Variants in KCTD7 observed in about 807,000 individuals in gnomAD.
The protein encoded by KCTD7 is BTB/POZ domain-containing protein KCTD7.
KCTD7 carries 15 observed loss-of-function variants against 27.0 expected under a neutral mutation model. The observed-to-expected ratio is 0.56, with a 90% CI of 0.37 to 0.86. The LOEUF is 0.86. Ranked by LOEUF, KCTD7 falls within the 40% of genes least tolerant of loss-of-function variation. The pLI, the probability that KCTD7 is intolerant of heterozygous loss-of-function variation, is 0.00. For missense variants in KCTD7, 299 were observed against 398.9 expected, an observed-to-expected ratio of 0.75 and a Z score of 2.13; for synonymous variants, 159 against 162.7, an observed-to-expected ratio of 0.98 and a Z score of 0.17.
At chr7:66,631,344 A>G (rs1255086133) in intron 1 of KCTD7, among the ~76,000 whole-genome samples, 1 of 152,142 alleles carries the variant, frequency 6.6e-6, no homozygotes, top group Non-Finnish European at 1.5e-5. Flanking sequence ...CAAGGCAGGA[A>G]GATCACTTGA....
downstream of KCTD7, chr7:66,643,160 C>T (rs1786758165): frequency 3.2e-6 from 3 of 943,264 alleles, no homozygotes; most frequent in Non-Finnish European, 3.7e-6. Context: ...TTTGGGGATG[C>T]CCCACACAAC....
intron 1 of KCTD7, among the ~76,000 whole-genome samples, chr7:66,632,466 GAC>G: frequency 7.0e-6 from 1 of 143,520 alleles, no homozygotes; most frequent in Non-Finnish European, 1.5e-5. Flanking sequence ...CAGCCTGGGT[GAC>G]ACAGGCTGGG....
chr7:66,642,107 C>T lies in KCTD7; in HGVS notation c.*2875C>T, dbSNP rs1392706769. ...GAGATGGGACCAATGGTGCAATGCT[C>T]GCCATAACAAAATTCCTTAAAAATA... is the stretch of plus-strand genomic sequence containing the variant. On this transcript the variant is annotated 3_prime_UTR_variant, in exon 4 of 4. Coordinates refer to ENST00000639828, the MANE Select transcript of KCTD7 (RefSeq NM_153033.5). 1 of 985,252 alleles carries T rather than the reference C, an allele frequency of 1.0e-6. No homozygotes were observed. The highest frequency in any genetic ancestry group is 1.2e-6 in the Non-Finnish European group (1 of 829,926). The allele number at this position is 985,252 out of a possible 1,614,324, so 61.0% of individuals were successfully genotyped here.
chr7:66,631,905 G>T (rs1786451634), intron 1 of KCTD7, among the ~76,000 whole-genome samples: 1 of 152,184 alleles, frequency 6.6e-6, no homozygotes, highest in South Asian at 2.1e-4. Context: ...GCTGTGGGCA[G>T]CCCATGATTG....
Position 66,641,642 on chromosome 7 carries a change from AG to A in KCTD7, c.*2412del, listed in dbSNP as rs1260387711. ...GTATTCTGTGCCACTGTAGGACACA[AG>A]GCTCTGGGCCAGTAGAACAGGCAGA... On this transcript the variant is annotated 3_prime_UTR_variant, in exon 4 of 4. Transcript: ENST00000639828. 1.7e-5 allele frequency: 17 copies of A among 985,294 alleles called. No individual in the cohort carries two copies. Among genetic ancestry groups the A allele is most frequent in the Non-Finnish European group, 2.0e-5 (17 of 829,930 alleles). The allele number at this position is 985,294 out of a possible 1,614,324, so 61.0% of individuals were successfully genotyped here. A position where few individuals can be genotyped will look rare whatever the true frequency, so the allele number is the denominator to read the frequency against.
At chr7:66,636,705 A>G (rs1186555657) in intron 2 of KCTD7, among the ~76,000 whole-genome samples, 1 of 152,216 alleles carries the variant, frequency 6.6e-6, no homozygotes, top group Non-Finnish European at 1.5e-5. Flanking sequence ...CCCAGGAGTT[A>G]GAGGCTGCAG....
Position 66,632,633 on chromosome 7 carries a change from C to T in KCTD7, c.145-642C>T, listed in dbSNP as rs562288426. 3.9e-5 allele frequency among the ~76,000 whole-genome samples: 6 copies of T among 152,070 alleles called. No homozygotes were observed. The East Asian group carries it at 9.7e-4, about 25-fold the overall frequency. ...AGGAGACTGGTAAGAGCATTTTGGGCAAAGAAGACAATGTGAGCAAGAGCA... is the reference window on the plus strand; with the variant it reads ...AGGAGACTGGTAAGAGCATTTTGGGTAAAGAAGACAATGTGAGCAAGAGCA... On this transcript the variant is annotated intron_variant, in intron 1 of 3. Transcript: ENST00000639828.
At position 66,633,323 on chromosome 7, in the gene KCTD7, C is replaced by T. The variant is rs200321023; in HGVS notation, c.193C>T (p.Arg65Cys). 1.8e-4 allele frequency: 290 copies of T among 1,613,824 alleles called. No homozygotes were observed. The highest frequency in any genetic ancestry group is 2.2e-4 in the Non-Finnish European group (256 of 1,179,884). ...LNIGGAHFTT[R>C]LSTLRCYEDT... Reference sequence around the variant, plus strand: ...CATCGGAGGGGCTCACTTCACTACACGCCTGTCCACACTGCGGTGCTACGA... The same window carrying T: ...CATCGGAGGGGCTCACTTCACTACATGCCTGTCCACACTGCGGTGCTACGA... Residue 65 changes from arginine (R) to cysteine (C), a missense_variant, in exon 2 of 4, where the codon CGC becomes TGC. Transcript: ENST00000639828.
chr7:66,633,423 A>G lies in KCTD7; in HGVS notation c.293A>G (p.Asp98Gly). The G allele has an allele frequency of 6.2e-7, 1 of 1,614,096 alleles. No individual in the cohort carries two copies. Among genetic ancestry groups the G allele is most frequent in the Non-Finnish European group, 8.5e-7 (1 of 1,180,020 alleles). ...PTDSEGRYFI[D>G]RDGTHFGDVL... ...GACTCCGAGGGCCGGTACTTCATCG[A>G]CCGAGATGGCACACACTTTGGGTAT... is the stretch of plus-strand genomic sequence containing the variant. Residue 98 changes from aspartate to glycine, a missense_variant, in exon 2 of 4, where the codon GAC becomes GGC. Transcript: ENST00000639828.
intron 2 of KCTD7, 59 bp downstream of exon 2, chr7:66,633,503 G>C (rs1250358797): frequency 6.7e-7 from 1 of 1,500,072 alleles, no homozygotes; most frequent in Non-Finnish European, 9.3e-7. Context: ...GCGTAGGCTT[G>C]AGTATGGGAC....
At chr7:66,635,077 A>C (rs1786556461) in intron 2 of KCTD7, among the ~76,000 whole-genome samples, 2 of 150,768 alleles carry the variant, frequency 1.3e-5, no homozygotes, top group South Asian at 4.2e-4. Flanking sequence ...CAGTGATGCA[A>C]GCACAGCTCA....
intron 1 of KCTD7, among the ~76,000 whole-genome samples, chr7:66,629,532 C>A (rs549371655): frequency 6.6e-6 from 1 of 151,994 alleles, no homozygotes; most frequent in Non-Finnish European, 1.5e-5. Flanking sequence ...GGGAGGGGGA[C>A]CCTGGAGCCC....
chr7:66,629,346 C>A, intron 1 of KCTD7, 138 bp downstream of exon 1: 1 of 582,536 alleles, frequency 1.7e-6, no homozygotes, highest in Non-Finnish European at 2.4e-6. Flanking sequence ...CTCCCCCGCC[C>A]ACCTGCAACT....
At chr7:66,633,554 T>C in intron 2 of KCTD7, 110 bp downstream of exon 2, 1 of 1,080,356 alleles carries the variant, frequency 9.3e-7, no homozygotes, top group Non-Finnish European at 1.4e-6. Flanking sequence ...AGATAGCATA[T>C]TGATGAAATT....
At position 66,641,498 on chromosome 7, in the gene KCTD7, CA is replaced by C. The variant is rs1412569940; in HGVS notation, c.*2271del. On this transcript the variant is annotated 3_prime_UTR_variant, in exon 4 of 4. Transcript: ENST00000639828. ...TTGTTTGCTCAAATGCAAGTTTGCT[CA>C]AAAACAGGTCCTGAAGGCTTGCTTA... 1 of 985,364 alleles carries C rather than the reference CA, an allele frequency of 1.0e-6. No individual in the cohort carries two copies. The highest frequency in any genetic ancestry group is 1.2e-6 in the Non-Finnish European group (1 of 829,918). 61.0% of individuals were successfully genotyped at this position (985,364 alleles called of 1,614,324 possible).
Position 66,642,451 on chromosome 7 carries a change from CATTT to C in KCTD7, c.*3222_*3225del, listed in dbSNP as rs1786741832. 1 of 985,310 alleles carries C rather than the reference CATTT, an allele frequency of 1.0e-6. No individual in the cohort carries two copies. Among genetic ancestry groups the C allele is most frequent in the Non-Finnish European group, 1.2e-6 (1 of 829,950 alleles). The allele number at this position is 985,310 out of a possible 1,614,324, so 61.0% of individuals were successfully genotyped here. ...TGCTTGCTGGAGGAATAGGAAGTGA[CATTT>C]ATAAGACACAGGCGGTGTGAGCATC... is the stretch of plus-strand genomic sequence containing the variant. On this transcript the variant is annotated 3_prime_UTR_variant, in exon 4 of 4. Coordinates refer to ENST00000639828, the MANE Select transcript of KCTD7 (RefSeq NM_153033.5).
At position 66,629,218 on chromosome 7, in the gene KCTD7, C is replaced by T. The variant is rs749965828; in HGVS notation, c.144+10C>T. ...CCTGCTGCCACAGGAGGTACCCGGG[C>T]GGGCGGCGGGCCGCGGGGCGTGGGG... On this transcript the variant is annotated intron_variant, in intron 1 of 3. Coordinates refer to ENST00000639828, the MANE Select transcript of KCTD7 (RefSeq NM_153033.5). The T allele has an allele frequency of 8.7e-7, 1 of 1,149,766 alleles. No individual in the cohort carries two copies. The highest frequency in any genetic ancestry group is 4.9e-5 in the Admixed American group (1 of 20,556). 71.2% of individuals were successfully genotyped at this position (1,149,766 alleles called of 1,614,324 possible).
intron 1 of KCTD7, among the ~76,000 whole-genome samples, chr7:66,632,191 A>G (rs1454484870): frequency 6.6e-6 from 1 of 152,206 alleles, no homozygotes; most frequent in Non-Finnish European, 1.5e-5. Context: ...TGAATTAGAA[A>G]AAGGGCACAT....
chr7:66,640,284 T>G lies in KCTD7; in HGVS notation c.*1052T>G. Reference sequence around the variant, plus strand: ...CCTAGGAGCCGTAGGAAGACAAAACTTCCCTTTTGTTTTACTCCTCACTCC... The same window carrying G: ...CCTAGGAGCCGTAGGAAGACAAAACGTCCCTTTTGTTTTACTCCTCACTCC... On this transcript the variant is annotated 3_prime_UTR_variant, in exon 4 of 4. Transcript: ENST00000639828. 6.6e-7 allele frequency: 1 copy of G among 1,517,750 alleles called. No homozygotes were observed. Among genetic ancestry groups the G allele is most frequent in the East Asian group, 2.5e-5 (1 of 40,776 alleles). The allele number at this position is 1,517,750 out of a possible 1,614,324, so 94.0% of individuals were successfully genotyped here. A position where few individuals can be genotyped will look rare whatever the true frequency, so the allele number is the denominator to read the frequency against.
Sources: gnomAD v4.1 joint callset for allele counts (sites outside exome capture counted in the v4.1 genomes callset) on GRCh38, gnomAD v4.1.1 for gene constraint, MANE v1.5 for transcripts, NCBI Gene and HGNC (gene_info 2026-07-23, HGNC 2026-07-21) for gene names.